Variants in MCF2L2 observed in about 807,000 individuals in gnomAD.
MCF2L2 encodes the protein MCF.2 cell line derived transforming sequence-like 2.
A neutral mutation model predicts 150.2 loss-of-function variants in MCF2L2; 102 were observed. The observed-to-expected ratio is 0.68, with a 90% CI of 0.58 to 0.80. The LOEUF (loss-of-function observed/expected upper bound fraction) is 0.80, where lower values mean the gene tolerates loss of function less well. Ranked by LOEUF, MCF2L2 falls within the 30% of genes least tolerant of loss-of-function variation. The pLI is 0.00. For synonymous variants in MCF2L2, 465 were observed against 491.3 expected (o/e 0.95, Z 0.71); for missense variants, 1,256 against 1,372.8 (o/e 0.91, Z 1.34).
chr3:183,200,741 GT>G (rs1722249774), intron 25 of MCF2L2, among the ~76,000 whole-genome samples: 1 of 152,122 alleles, frequency 6.6e-6, no homozygotes, highest in Non-Finnish European at 1.5e-5. Flanking sequence ...TTCTTCTAGG[GT>G]TTTTATGGTT....
intron 2 of MCF2L2, among the ~76,000 whole-genome samples, chr3:183,380,547 G>A (rs771360482): frequency 5.6e-4 from 85 of 152,098 alleles, no homozygotes; most frequent in Non-Finnish European, 8.8e-4. Flanking sequence ...GATTACAGGC[G>A]TGCACCACCA....
At chr3:183,278,193 A>T (rs961933139) in intron 14 of MCF2L2, among the ~76,000 whole-genome samples, 23 of 140,420 alleles carry the variant, frequency 1.6e-4, no homozygotes, top group African/African-American at 3.6e-4. Context: ...CAAAAGAAAA[A>T]ATATATATAT....
chr3:183,220,752 T>C (rs1723119138), intron 20 of MCF2L2, among the ~76,000 whole-genome samples: 1 of 152,218 alleles, frequency 6.6e-6, no homozygotes, highest in Admixed American at 6.5e-5. Flanking sequence ...TTGTTTTAAT[T>C]TGACTTCCTT....
At chr3:183,426,346 C>T (rs1716165688) in intron 1 of MCF2L2, among the ~76,000 whole-genome samples, 1 of 152,188 alleles carries the variant, frequency 6.6e-6, no homozygotes, top group Non-Finnish European at 1.5e-5. Flanking sequence ...TGGGAGGCTT[C>T]GCCCTGAGAG....
chr3:183,341,129 C>T (rs1225205186), intron 4 of MCF2L2, among the ~76,000 whole-genome samples: 5 of 152,124 alleles, frequency 3.3e-5, no homozygotes, highest in Non-Finnish European at 7.3e-5. Context: ...GGGGTTACTG[C>T]CGTAGGCAAA....
intron 10 of MCF2L2, among the ~76,000 whole-genome samples, chr3:183,308,523 G>A (rs953988268): frequency 7.9e-5 from 12 of 152,242 alleles, no homozygotes; most frequent in Non-Finnish European, 1.3e-4. Flanking sequence ...ATGGTCACTG[G>A]TAAGAGAAAG....
chr3:183,277,667 A>C (rs1328833474), intron 14 of MCF2L2, among the ~76,000 whole-genome samples: 7 of 150,962 alleles, frequency 4.6e-5, no homozygotes. Context: ...ATATATATAT[A>C]TATATTTGTA....
chr3:183,379,887 G>C (rs1366895063), intron 2 of MCF2L2, among the ~76,000 whole-genome samples: 2 of 151,324 alleles, frequency 1.3e-5, no homozygotes, highest in African/African-American at 4.9e-5. Flanking sequence ...ACATATATAT[G>C]TATGTATATA....
intron 6 of MCF2L2, 34 bp downstream of exon 6, chr3:183,323,201 A>T (rs1199869657): frequency 7.0e-7 from 1 of 1,438,146 alleles, no homozygotes; most frequent in African/African-American, 1.4e-5. Flanking sequence ...AAACAAGGAG[A>T]GACAGTGAAA....
At position 183,269,230 on chromosome 3, in the gene MCF2L2, C is replaced by CTTT. The variant is rs60835895; in HGVS notation, c.1862+7639_1862+7641dup. On this transcript the variant is annotated intron_variant, in intron 15 of 29. Coordinates refer to ENST00000328913, the MANE Select transcript of MCF2L2 (RefSeq NM_015078.4). The stretch of plus-strand genomic sequence containing the variant: ...TACACGATTATAGCCGTTTGGGAAG[C>CTTT]TTTTTTTTTTTTTTTTTTAAGAGTA... 1.2e-3 allele frequency among the ~76,000 whole-genome samples: 95 copies of CTTT among 80,996 alleles called. 8 individuals carry two copies. In the Middle Eastern group the frequency reaches 0.023, roughly 20 times the overall value. 53.1% of individuals were successfully genotyped at this position (80,996 alleles called of 152,430 possible). A position where few individuals can be genotyped will look rare whatever the true frequency, so the allele number is the denominator to read the frequency against.
chr3:183,348,691 G>C (rs917222408), intron 3 of MCF2L2, among the ~76,000 whole-genome samples: 5 of 152,162 alleles, frequency 3.3e-5, no homozygotes, highest in Non-Finnish European at 7.3e-5. Flanking sequence ...CATACACCAT[G>C]CTATCACTAG....
At chr3:183,228,199 G>A in intron 18 of MCF2L2, 98 bp downstream of exon 18, 1 of 861,456 alleles carries the variant, frequency 1.2e-6, no homozygotes, top group South Asian at 1.5e-5. Context: ...AAGCAGATAT[G>A]TTTTTAGACC....
intron 15 of MCF2L2, among the ~76,000 whole-genome samples, chr3:183,266,319 C>T (rs1030724525): frequency 6.6e-6 from 1 of 152,242 alleles, no homozygotes. Flanking sequence ...GAATAGGCAG[C>T]TGGTTTTCCC....
chr3:183,200,841 T>G (rs1722253261), intron 25 of MCF2L2, among the ~76,000 whole-genome samples: 1 of 152,228 alleles, frequency 6.6e-6, no homozygotes, highest in Non-Finnish European at 1.5e-5. Flanking sequence ...TTTCTACATA[T>G]GGCTAGCCAG....
At position 183,179,914 on chromosome 3, in the gene MCF2L2, G is replaced by A. The variant is rs1721457899; in HGVS notation, c.3105+157C>T. On this transcript the variant is annotated intron_variant, in intron 28 of 29. Coordinates refer to ENST00000328913, the MANE Select transcript of MCF2L2 (RefSeq NM_015078.4). This position sits in a 1 kb window ranked among gnomAD's most constrained non-coding sequence, Gnocchi z 4.2. The stretch of plus-strand genomic sequence containing the variant: ...GGACTAGGAGGGTCAGAGCCAGTTT[G>A]AGGGTCTGGTGACCTCGGCTCCCTG... Among the ~76,000 whole-genome samples, 1 of 152,168 alleles carries A rather than the reference G, an allele frequency of 6.6e-6. No homozygotes were observed. The highest frequency in any genetic ancestry group is 1.5e-5 in the Non-Finnish European group (1 of 68,024).
intron 5 of MCF2L2, among the ~76,000 whole-genome samples, chr3:183,324,168 G>C (rs1216091252): frequency 6.6e-6 from 1 of 152,186 alleles, no homozygotes; most frequent in Non-Finnish European, 1.5e-5. Flanking sequence ...GAAGAATATT[G>C]ATGTGTCCCT....
chr3:183,352,108 T>C (rs1711519090), intron 3 of MCF2L2, among the ~76,000 whole-genome samples: 1 of 152,236 alleles, frequency 6.6e-6, no homozygotes. Flanking sequence ...AGCATCTTCA[T>C]CATACTTTCT....
Position 183,205,881 on chromosome 3 carries a change from A to G in MCF2L2, c.2879T>C (p.Ile960Thr), listed in dbSNP as rs1469238692. 6.2e-7 allele frequency: 1 copy of G among 1,613,100 alleles called. No individual in the cohort carries two copies. The highest frequency in any genetic ancestry group is 1.3e-5 in the African/African-American group (1 of 75,034). ...AGTCAGCAGGGGTAACCTACCTTTG[A>G]TATTATTTTGTTGTTCCATCAATAA... ...SKLLMEQQNN[I>T]KDQGNPQFEM... is the part of the protein sequence containing the mutation. The change falls in exon 25 of 30, where the codon ATC (isoleucine) becomes ACC (threonine). Residue 960 changes from isoleucine to threonine, a missense_variant. Physicochemically the swap from Ile to Thr is moderately conservative, Grantham distance 89 (BLOSUM62 -1). Coordinates refer to ENST00000328913, the MANE Select transcript of MCF2L2 (RefSeq NM_015078.4).
intron 3 of MCF2L2, among the ~76,000 whole-genome samples, chr3:183,345,117 T>C (rs1272740970): frequency 6.6e-6 from 1 of 152,162 alleles, no homozygotes; most frequent in Admixed American, 6.5e-5. Context: ...AGAATATACA[T>C]TCTTCTCAGC....
Sources: gnomAD v4.1 joint callset for allele counts (sites outside exome capture counted in the v4.1 genomes callset) on GRCh38, gnomAD v4.1.1 for gene constraint, Gnocchi (gnomAD v3.1) non-coding constraint, MANE v1.5 for transcripts, NCBI Gene and HGNC (gene_info 2026-07-23, HGNC 2026-07-21) for gene names.